The following MECOM variants were observed in gnomAD, a reference collection of about 807,000 sequenced individuals.
MECOM encodes MDS1 and EVI1 complex locus, also known as histone-lysine N-methyltransferase MECOM.
MECOM carries 13 observed loss-of-function variants against 116.3 expected under a neutral mutation model. That is an observed-to-expected ratio of 0.11 (90% CI 0.07 to 0.18). MECOM has a LOEUF of 0.18. Among genes scored for constraint, MECOM ranks in the 10% least tolerant of loss-of-function variants. MECOM has a pLI of 1.00. For synonymous variants in MECOM, 528 were observed against 535.2 expected (o/e 0.99, Z 0.19); for missense variants, 1,299 against 1,509.0 (o/e 0.86, Z 2.31).
intron 7 of MECOM, among the ~76,000 whole-genome samples, chr3:169,116,957 CAT>C (rs1282224324): frequency 6.6e-6 from 1 of 152,028 alleles, no homozygotes; most frequent in African/African-American, 2.4e-5. Context: ...ACAAATATTT[CAT>C]ATATATAGAT....
At chr3:169,521,097 G>A (rs1757301316) in intron 1 of MECOM, among the ~76,000 whole-genome samples, 1 of 152,200 alleles carries the variant, frequency 6.6e-6, no homozygotes. Flanking sequence ...GGAGAAGATA[G>A]GTGAGGCTGG....
chr3:169,183,003 C>T (rs115047962), intron 2 of MECOM, among the ~76,000 whole-genome samples: 1 of 152,132 alleles, frequency 6.6e-6, no homozygotes, highest in Admixed American at 6.5e-5. Context: ...TTCTTAGGTA[C>T]GAGGCTTTGT....
At chr3:169,103,295 C>T (rs1724223166) in intron 10 of MECOM, among the ~76,000 whole-genome samples, 1 of 151,870 alleles carries the variant, frequency 6.6e-6, no homozygotes, top group Non-Finnish European at 1.5e-5. Context: ...GCTCCACAGC[C>T]AGAGGGACTC....
At chr3:169,645,270 C>T (rs528026991) in intron 1 of MECOM, among the ~76,000 whole-genome samples, 30 of 151,018 alleles carry the variant, frequency 2.0e-4, no homozygotes, top group African/African-American at 6.6e-4. Flanking sequence ...TAATATCCTG[C>T]TTTTTAACAT....
chr3:169,232,294 G>A (rs1236361606), intron 2 of MECOM, among the ~76,000 whole-genome samples: 1 of 151,990 alleles, frequency 6.6e-6, no homozygotes, highest in African/African-American at 2.4e-5. Flanking sequence ...AAACGACTTG[G>A]ACCCAAGAAT....
In MECOM at chr3:169,453,867, CA is replaced by C. The variant is rs567464526; in HGVS notation, c.38-72344del. Among the ~76,000 whole-genome samples, 37 of 152,182 alleles carry C rather than the reference CA, an allele frequency of 2.4e-4. No individual in the cohort carries two copies. In the South Asian group the frequency reaches 7.7e-3, roughly 32 times the overall value. ...ATTCAGGGCTGTCAGAACTAAAAAG[CA>C]TGCTTGTGGCAAGAGAGCCTGATGG... On this transcript the variant is annotated intron_variant, in intron 1 of 16. Coordinates refer to ENST00000651503, the MANE Select transcript of MECOM (RefSeq NM_004991.4).
intron 1 of MECOM, among the ~76,000 whole-genome samples, chr3:169,450,109 A>C (rs183144454): frequency 6.6e-6 from 1 of 152,300 alleles, no homozygotes; most frequent in Admixed American, 6.5e-5. Context: ...CTAAAATGGC[A>C]TTACGGACTT....
intron 2 of MECOM, among the ~76,000 whole-genome samples, chr3:169,255,473 C>T (rs993857011): frequency 1.3e-5 from 2 of 151,628 alleles, no homozygotes; most frequent in South Asian, 2.1e-4. Context: ...TAAAAGAAAA[C>T]GTGTGGCTCA....
intron 1 of MECOM, among the ~76,000 whole-genome samples, chr3:169,662,501 G>C (rs1443227217): frequency 6.6e-6 from 1 of 152,100 alleles, no homozygotes; most frequent in African/African-American, 2.4e-5. Context: ...CCACGTCCGA[G>C]CGCTCGCTGG....
intron 2 of MECOM, among the ~76,000 whole-genome samples, chr3:169,276,369 T>C (rs1047945740): frequency 6.6e-6 from 1 of 152,020 alleles, no homozygotes; most frequent in Non-Finnish European, 1.5e-5. Flanking sequence ...CTGGCCAGAA[T>C]GGTGAAACCC....
At chr3:169,233,996 C>T (rs1459153489) in intron 2 of MECOM, among the ~76,000 whole-genome samples, 4 of 152,028 alleles carry the variant, frequency 2.6e-5, no homozygotes, top group East Asian at 3.8e-4. Context: ...ATAGTAGATA[C>T]GGTTACAATA....
chr3:169,263,940 A>G (rs1254309023), intron 2 of MECOM, among the ~76,000 whole-genome samples: 6 of 152,164 alleles, frequency 3.9e-5, no homozygotes, highest in Admixed American at 3.9e-4. Context: ...CAAGGAAAAA[A>G]AAAACCCACT....
intron 3 of MECOM, chr3:169,133,974 A>G (rs1354855568): frequency 4.7e-6 from 6 of 1,289,040 alleles, no homozygotes; most frequent in Non-Finnish European, 6.1e-6. Flanking sequence ...ACATGTTGAC[A>G]TTTGAATTGT....
intron 1 of MECOM, among the ~76,000 whole-genome samples, chr3:169,483,145 C>G (rs1751587141): frequency 6.6e-6 from 1 of 151,290 alleles, no homozygotes; most frequent in Admixed American, 6.6e-5. Context: ...TCCTGCAGAC[C>G]AATTTATGTT....
Position 169,115,813 on chromosome 3 carries a change from C to T in MECOM, c.2059G>A (p.Gly687Arg). The change falls in exon 8 of 17, where the codon GGA becomes AGA. Residue 687 changes from glycine (G) to arginine (R), a missense_variant. By Grantham distance (125) the Gly-to-Arg change is moderately radical. Around this residue, in one of 6 missense-constraint regions of MECOM, gnomAD observed 340 missense variants for 312.6 expected, o/e 1.09. Coordinates refer to ENST00000651503, the MANE Select transcript of MECOM (RefSeq NM_004991.4). ...GLVGLQDKKVGALPYPSMFPL... is the reference protein window; with the variant it reads ...GLVGLQDKKVRALPYPSMFPL... Reference sequence around the variant, plus strand: ...AACATGGAAGGGTAAGGTAAAGCTCCAACTTTTTTGTCTTGCAGCCCCACC... The same window carrying T: ...AACATGGAAGGGTAAGGTAAAGCTCTAACTTTTTTGTCTTGCAGCCCCACC... 1 of 1,614,062 alleles carries T rather than the reference C, an allele frequency of 6.2e-7. No homozygotes were observed. The highest frequency in any genetic ancestry group is 8.5e-7 in the Non-Finnish European group (1 of 1,180,024).
rs537252685 is a variant in MECOM at position 169,518,084 on chromosome 3, C to A, written c.38-136560G>T. Among the ~76,000 whole-genome samples the A allele has an allele frequency of 3.9e-5, 6 of 152,100 alleles. No individual in the cohort carries two copies. In the South Asian group the frequency reaches 1.2e-3, roughly 32 times the overall value. ...ACCATCCTGGCTAACATGGTGATACCCCGTCTTTACTGAAAATACAAAAAA... is the reference window on the plus strand; with the variant it reads ...ACCATCCTGGCTAACATGGTGATACACCGTCTTTACTGAAAATACAAAAAA... On this transcript the variant is annotated intron_variant, in intron 1 of 16. Coordinates refer to ENST00000651503, the MANE Select transcript of MECOM (RefSeq NM_004991.4).
intron 1 of MECOM, chr3:169,464,157 C>T (rs944958273): frequency 2.0e-5 from 3 of 152,128 alleles, no homozygotes; most frequent in Admixed American, 2.0e-4. Flanking sequence ...CCTGAGACAA[C>T]ATTTGTGTGA....
At chr3:169,544,164 T>G (rs1161110403) in intron 1 of MECOM, among the ~76,000 whole-genome samples, 3 of 152,208 alleles carry the variant, frequency 2.0e-5, no homozygotes, top group African/African-American at 4.8e-5. Context: ...TTGACTATTT[T>G]GAGTGACTTA....
At chr3:169,566,571 C>A (rs774374816) in intron 1 of MECOM, among the ~76,000 whole-genome samples, 1 of 152,162 alleles carries the variant, frequency 6.6e-6, no homozygotes, top group Non-Finnish European at 1.5e-5. Context: ...ATTTCCCCAA[C>A]TTTGCAGATG....
Sources: gnomAD v4.1 joint callset for allele counts (sites outside exome capture counted in the v4.1 genomes callset) on GRCh38, gnomAD v4.1.1 for gene constraint, gnomAD v4.1.1 regional missense constraint, MANE v1.5 for transcripts, NCBI Gene and HGNC (gene_info 2026-07-23, HGNC 2026-07-21) for gene names.